Variants in PARP11 observed in about 807,000 individuals in gnomAD.
The protein encoded by PARP11 is protein mono-ADP-ribosyltransferase PARP11.
PARP11 carries 31 observed loss-of-function variants against 42.9 expected under a neutral mutation model. The observed-to-expected ratio is 0.72, with a 90% CI of 0.54 to 0.98. The LOEUF (loss-of-function observed/expected upper bound fraction) is 0.98, where lower values mean the gene tolerates loss of function less well. Among genes scored for constraint, PARP11 ranks in the 50% least tolerant of loss-of-function variants. The probability of loss-of-function intolerance (pLI) is 0.00; values close to 1 mark genes in which losing one functional copy is unlikely to be tolerated. For missense variants in PARP11, 365 were observed against 413.1 expected, an observed-to-expected ratio of 0.88 and a Z score of 1.01; for synonymous variants, 137 against 127.3, an observed-to-expected ratio of 1.08 and a Z score of -0.51.
rs373688184 is a variant in PARP11, at chr12:3,837,449, T to C, written c.19-7431A>G. Reference sequence around the variant, plus strand: ...GTAACCATAATGCAAAAACCTATAATAGACCCACTAAAAATAAAAACTAAT... The same window carrying C: ...GTAACCATAATGCAAAAACCTATAACAGACCCACTAAAAATAAAAACTAAT... On this transcript the variant is annotated intron_variant, in intron 1 of 7. Transcript: ENST00000228820. Among the ~76,000 whole-genome samples, 48 of 152,158 alleles carry C rather than the reference T, an allele frequency of 3.2e-4. 1 individual carries two copies. In the South Asian group the frequency reaches 8.7e-3, roughly 28 times the overall value.
chr12:3,827,892 A>C (rs1340663379), intron 3 of PARP11, among the ~76,000 whole-genome samples: 1 of 152,210 alleles, frequency 6.6e-6, no homozygotes, highest in Non-Finnish European at 1.5e-5. Context: ...CAAGCTGTGT[A>C]GCAAACAAAA....
At chr12:3,832,850 C>G (rs1469313315) in intron 1 of PARP11, among the ~76,000 whole-genome samples, 1 of 152,116 alleles carries the variant, frequency 6.6e-6, no homozygotes, top group African/African-American at 2.4e-5. Context: ...TAATTAGAAG[C>G]AGGCTGGGAA....
chr12:3,844,788 TGAC>T (rs1947966121), intron 1 of PARP11, among the ~76,000 whole-genome samples: 1 of 152,210 alleles, frequency 6.6e-6, no homozygotes, highest in Non-Finnish European at 1.5e-5. Context: ...ATAAAAGAAC[TGAC>T]TTTTGATAGT....
chr12:3,836,882 CCT>C (rs776906351), intron 1 of PARP11, among the ~76,000 whole-genome samples: 3 of 152,086 alleles, frequency 2.0e-5, no homozygotes, highest in Non-Finnish European at 2.9e-5. Flanking sequence ...AAAACTTTCC[CCT>C]GATTCATGAT....
chr12:3,818,562 C>G (rs547894686), intron 6 of PARP11, among the ~76,000 whole-genome samples: 1 of 152,280 alleles, frequency 6.6e-6, no homozygotes, highest in South Asian at 2.1e-4. Context: ...ATTTTAAAAA[C>G]ATAACATAAC....
chr12:3,863,009 T>C (rs1406876530), intron 1 of PARP11, among the ~76,000 whole-genome samples: 1 of 152,242 alleles, frequency 6.6e-6, no homozygotes, highest in Non-Finnish European at 1.5e-5. Flanking sequence ...CATGAATAAA[T>C]TATATCTTTC....
intron 2 of PARP11, among the ~76,000 whole-genome samples, chr12:3,829,464 T>A (rs1343946989): frequency 1.3e-5 from 2 of 152,212 alleles, no homozygotes; most frequent in Non-Finnish European, 2.9e-5. Context: ...CTTTTGTGAG[T>A]TTCACTTTCC....
In PARP11 at chr12:3,829,923, G is replaced by C. The variant is rs1308459762; in HGVS notation, c.114C>G (p.Tyr38Ter). Reference protein sequence around the residue: ...DTSDTQWGWFYLAECGKWHMF... With the variant: ...DTSDTQWGWF ...TGTGCCACTTCCCACATTCTGCCAA[G>C]TAAAACCAGCCCCACTGGGTATCTG... Residue 38 changes from tyrosine to a stop codon, truncating the protein, a stop_gained, in exon 2 of 8, where the codon TAC (tyrosine) becomes TAG (stop). Transcript: ENST00000228820. LOFTEE classifies it high-confidence loss of function. 1.9e-6 allele frequency: 3 copies of C among 1,613,996 alleles called. No homozygotes were observed. In the South Asian group the frequency reaches 3.3e-5, roughly 18 times the overall value.
At chr12:3,865,945 A>T (rs1948382074) in intron 1 of PARP11, among the ~76,000 whole-genome samples, 1 of 146,678 alleles carries the variant, frequency 6.8e-6, no homozygotes. Context: ...ATCTTCTTTC[A>T]GATTGAGTGC....
rs1486390003 is a variant in PARP11, at chr12:3,840,665, G to A, written c.19-10647C>T. Reference sequence around the variant, plus strand: ...ATGTGTCCAGAGAAAATCATCACACGTAAGTGATAGAAAAGGAAGCAGGCG... The same window carrying A: ...ATGTGTCCAGAGAAAATCATCACACATAAGTGATAGAAAAGGAAGCAGGCG... On this transcript the variant is annotated intron_variant, in intron 1 of 7. Transcript: ENST00000228820. The surrounding 1 kb of genome is among the most constrained non-coding windows in gnomAD (Gnocchi z 4.4). 1.9e-5 allele frequency: 23 copies of A among 1,196,382 alleles called. No homozygotes were observed. In the East Asian group the frequency reaches 2.6e-4, roughly 13 times the overall value. The allele number at this position is 1,196,382 out of a possible 1,614,324, so 74.1% of individuals were successfully genotyped here.
rs1947237785 is a variant in PARP11 at position 3,814,175 on chromosome 12, G to A, written c.562C>T (p.Leu188Phe). ...TGAGGCACACCTCTTTTTTTCTTGAGCTGAGCCTTTTTCCTAAAAACACAA... is the reference window on the plus strand; with the variant it reads ...TGAGGCACACCTCTTTTTTTCTTGAACTGAGCCTTTTTCCTAAAAACACAA... ...WEFFCRKKAQ[L>F]KKKRGVPQIN... Residue 188 changes from leucine to phenylalanine, a missense_variant, in exon 7 of 8, where the codon CTC (leucine) becomes TTC (phenylalanine). By Grantham distance (22) the Leu-to-Phe change is conservative. Transcript: ENST00000228820. 2 of 1,600,202 alleles carry A rather than the reference G, an allele frequency of 1.2e-6. No homozygotes were observed. Among genetic ancestry groups the A allele is most frequent in the Non-Finnish European group, 1.7e-6 (2 of 1,171,398 alleles).
intron 1 of PARP11, chr12:3,842,335 G>A: frequency 6.2e-7 from 1 of 1,610,570 alleles, no homozygotes; most frequent in Non-Finnish European, 8.5e-7. Flanking sequence ...GTACAAAAGT[G>A]ATTGGGGCTA....
At chr12:3,825,215 C>T (rs1947494170) in intron 4 of PARP11, among the ~76,000 whole-genome samples, 1 of 151,788 alleles carries the variant, frequency 6.6e-6, no homozygotes, top group African/African-American at 2.4e-5. Context: ...AAGATTTTTT[C>T]CTTCAAGTCC....
chr12:3,840,008 G>C lies in PARP11; in HGVS notation c.19-9990C>G. 1 of 1,596,968 alleles carries C rather than the reference G, an allele frequency of 6.3e-7. No individual in the cohort carries two copies. The highest frequency in any genetic ancestry group is 2.2e-5 in the East Asian group (1 of 44,806). Reference sequence around the variant, plus strand: ...GGCAACGAGCAGCTGAAGAACAATGGGAACTCTACTAGCCTGCCTTTGGCT... The same window carrying C: ...GGCAACGAGCAGCTGAAGAACAATGCGAACTCTACTAGCCTGCCTTTGGCT... On this transcript the variant is annotated intron_variant, in intron 1 of 7. Transcript: ENST00000228820. The surrounding 1 kb of genome is among the most constrained non-coding windows in gnomAD (Gnocchi z 4.4).
rs1180940264 is a variant in PARP11 at position 3,809,677 on chromosome 12, G to GT, written c.*2445dup. The GT allele has an allele frequency of 6.6e-5, 10 of 152,278 alleles. No individual in the cohort carries two copies. Among genetic ancestry groups the GT allele is most frequent in the African/African-American group, 2.4e-4 (10 of 41,570 alleles). 9.4% of individuals were successfully genotyped at this position (152,278 alleles called of 1,614,324 possible). A position where few individuals can be genotyped will look rare whatever the true frequency, so the allele number is the denominator to read the frequency against. ...TTGAAGGGAGGACTATTTTAATGTG[G>GT]TTTTTTGGTATGTAAATTACAAATA... is the stretch of plus-strand genomic sequence containing the variant. On this transcript the variant is annotated 3_prime_UTR_variant, in exon 8 of 8. Coordinates refer to ENST00000228820, the MANE Select transcript of PARP11 (RefSeq NM_020367.6).
chr12:3,870,006 A>T, intron 1 of PARP11, among the ~76,000 whole-genome samples: 1 of 152,212 alleles, frequency 6.6e-6, no homozygotes, highest in Non-Finnish European at 1.5e-5. Context: ...CCCAGGCAGG[A>T]TGGAGCACAA....
At chr12:3,868,159 TA>T (rs1411167864) in intron 1 of PARP11, among the ~76,000 whole-genome samples, 1 of 152,188 alleles carries the variant, frequency 6.6e-6, no homozygotes, top group Non-Finnish European at 1.5e-5. Flanking sequence ...CATTAATTTC[TA>T]AAATACTGTT....
rs961998300 is a variant in PARP11, at chr12:3,810,020, C to T, written c.*2103G>A. On this transcript the variant is annotated 3_prime_UTR_variant, in exon 8 of 8. Coordinates refer to ENST00000228820, the MANE Select transcript of PARP11 (RefSeq NM_020367.6). ...CAATTACACATATGCTGGTCTATAACGGAAATCTGGGATAGATGGCACTTT... is the reference window on the plus strand; with the variant it reads ...CAATTACACATATGCTGGTCTATAATGGAAATCTGGGATAGATGGCACTTT... 13 of 152,316 alleles carry T rather than the reference C, an allele frequency of 8.5e-5. No individual in the cohort carries two copies. Among genetic ancestry groups the T allele is most frequent in the Admixed American group, 6.5e-4 (10 of 15,306 alleles). 9.4% of individuals were successfully genotyped at this position (152,316 alleles called of 1,614,324 possible).
chr12:3,823,034 G>C (rs1435333576), intron 4 of PARP11, among the ~76,000 whole-genome samples: 1 of 152,150 alleles, frequency 6.6e-6, no homozygotes, highest in Non-Finnish European at 1.5e-5. Context: ...CACCCGATGT[G>C]AATACAGAAA....
Sources: gnomAD v4.1 joint callset for allele counts (sites outside exome capture counted in the v4.1 genomes callset) on GRCh38, gnomAD v4.1.1 for gene constraint, Gnocchi (gnomAD v3.1) non-coding constraint, MANE v1.5 for transcripts, NCBI Gene and HGNC (gene_info 2026-07-23, HGNC 2026-07-21) for gene names.